The following NOTCH3 variants were observed in gnomAD, a reference collection of about 807,000 sequenced individuals.
NOTCH3 encodes neurogenic locus notch homolog protein 3.
NOTCH3 carries 86 observed loss-of-function variants against 213.3 expected under a neutral mutation model. The observed-to-expected ratio is 0.40, with a 90% CI of 0.34 to 0.48. The LOEUF (loss-of-function observed/expected upper bound fraction) is 0.48, where lower values mean the gene tolerates loss of function less well. NOTCH3 is among the 20% of genes least tolerant of loss of function. The pLI, the probability that NOTCH3 is intolerant of heterozygous loss-of-function variation, is 0.57. For missense variants in NOTCH3, 2,783 were observed against 3,272.6 expected, an observed-to-expected ratio of 0.85 and a Z score of 3.65; for synonymous variants, 1,354 against 1,355.9, an observed-to-expected ratio of 1.00 and a Z score of 0.03.
chr19:15,175,618 C>T (rs1022625607), intron 24 of NOTCH3, among the ~76,000 whole-genome samples: 79 of 144,814 alleles, frequency 5.5e-4, no homozygotes, highest in Non-Finnish European at 9.9e-4. Flanking sequence ...CACACACGCA[C>T]GCACACACAT....
Position 15,174,295 on chromosome 19 carries a change from C to A in NOTCH3, c.4509G>T (p.Glu1503Asp). ...CGCCGCGGGCCAGCAGGGCCGGCAC[C>A]TCGCTGGCACAATCCAGCCCATCCC... The part of the protein sequence containing the change: ...CGWDGLDCAS[E>D]VPALLARGVL... The change falls in exon 25 of 33, where the codon GAG (glutamate) becomes GAT (aspartate). Residue 1503 changes from glutamate (E) to aspartate (D), a missense_variant. This residue lies in a region of NOTCH3 where 636 missense variants were observed against 801.8 expected (regional missense o/e 0.79). Transcript: ENST00000263388. The A allele has an allele frequency of 6.4e-7, 1 of 1,557,308 alleles. No individual in the cohort carries two copies. Among genetic ancestry groups the A allele is most frequent in the Non-Finnish European group, 8.7e-7 (1 of 1,152,392 alleles).
rs749778923 is a variant in NOTCH3, at chr19:15,181,158, A to C, written c.2797T>G (p.Cys933Gly). ...TCCACACAGGTCCCGCCATTGAAGC[A>C]GGAGCTGGAGCGGAAGGAGTGGGAG... ...QDLPDCSPSS[C>G]FNGGTCVDGV... Residue 933 changes from cysteine to glycine, a missense_variant, in exon 18 of 33, where the codon TGC becomes GGC. This residue lies in a region of NOTCH3 where 861 missense variants were observed against 909.1 expected (regional missense o/e 0.95). Coordinates refer to ENST00000263388, the MANE Select transcript of NOTCH3 (RefSeq NM_000435.3). 1.2e-6 allele frequency: 2 copies of C among 1,611,172 alleles called. No homozygotes were observed. Among genetic ancestry groups the C allele is most frequent in the Admixed American group, 1.7e-5 (1 of 59,766 alleles).
In NOTCH3 at chr19:15,175,802, AG is replaced by A. The variant is rs1568353123; in HGVS notation, c.4404-1403del. ...CAGGCAGTAGGAACAGCTTGTGCAA[AG>A]GCCCTGATATGGGATCAAGCCTGGG... On this transcript the variant is annotated intron_variant, in intron 24 of 32. Transcript: ENST00000263388. Among the ~76,000 whole-genome samples, 6 of 151,574 alleles carry A rather than the reference AG, an allele frequency of 4.0e-5. No individual in the cohort carries two copies. The South Asian group carries it at 1.2e-3, about 31-fold the overall frequency.
At chr19:15,192,545 G>A (rs752256917) in intron 2 of NOTCH3, 26 bp from the exon 3 acceptor site, 103 of 1,560,550 alleles carry the variant, frequency 6.6e-5, no homozygotes, top group Non-Finnish European at 8.8e-5. Flanking sequence ...GCTTGGTTGG[G>A]CAGCACAGGG....
In NOTCH3 at chr19:15,189,148, T is replaced by C; in HGVS notation, c.1219A>G (p.Arg407Gly). 1 of 1,613,404 alleles carries C rather than the reference T, an allele frequency of 6.2e-7. No individual in the cohort carries two copies. Reference protein sequence around the residue: ...IGANPCEHLGRCVNTQGSFLC... With the variant: ...IGANPCEHLGGCVNTQGSFLC... ...AAGGAGCCCTGCGTGTTCACGCACCTGCCCAAGTGCTCGCAGGGGTTGGCG... is the reference window on the plus strand; with the variant it reads ...AAGGAGCCCTGCGTGTTCACGCACCCGCCCAAGTGCTCGCAGGGGTTGGCG... The change falls in exon 8 of 33, where the codon AGG (arginine) becomes GGG (glycine). Residue 407 changes from arginine to glycine, a missense_variant. Transcript: ENST00000263388.
intron 6 of NOTCH3, 88 bp downstream of exon 6, chr19:15,191,336 C>A: frequency 8.3e-7 from 1 of 1,197,814 alleles, no homozygotes; most frequent in Non-Finnish European, 1.2e-6. Flanking sequence ...CCCAGCCTAG[C>A]ATAATCTTTC....
In NOTCH3 at chr19:15,161,010, C is replaced by T. The variant is rs899795381; in HGVS notation, c.6618G>A (p.Glu2206=). The T allele has an allele frequency of 6.5e-7, 1 of 1,542,856 alleles. No homozygotes were observed. The highest frequency in any genetic ancestry group is 8.7e-7 in the Non-Finnish European group (1 of 1,145,236). The part of the protein sequence containing the change: ...LNPGTPVSPQ[E]RPPPYLAVPG... ...GGACTGCCAGGTAAGGCGGGGGCCGCTCCTGCGGGGAGACGGGGGTCCCTG... is the reference window on the plus strand; with the variant it reads ...GGACTGCCAGGTAAGGCGGGGGCCGTTCCTGCGGGGAGACGGGGGTCCCTG... The change falls in exon 33 of 33, where the codon GAG becomes GAA. Residue 2206 remains glutamate, a synonymous_variant. Transcript: ENST00000263388.
intron 24 of NOTCH3, among the ~76,000 whole-genome samples, chr19:15,175,868 AGAGT>A (rs1353187262): frequency 6.6e-6 from 1 of 151,752 alleles, no homozygotes; most frequent in African/African-American, 2.4e-5. Flanking sequence ...TGGCTGGAAC[AGAGT>A]GAGTGAGGGG....
At position 15,161,609 on chromosome 19, in the gene NOTCH3, G is replaced by A. The variant is rs753635869; in HGVS notation, c.6019C>T (p.Leu2007=). The change falls in exon 33 of 33, where the codon CTG becomes TTG. Residue 2007 remains leucine (L), a synonymous_variant. Transcript: ENST00000263388. ...NREITDHLDR[L]PRDVAQERLH... ...CTCTCCTGGGCTACGTCCCGCGGCA[G>A]CCTGTCCAGGTGGTCGGTGATCTCA... 1.5e-5 allele frequency: 24 copies of A among 1,613,040 alleles called. No individual in the cohort carries two copies. Among genetic ancestry groups the A allele is most frequent in the Middle Eastern group, 1.6e-4 (1 of 6,082 alleles).
At chr19:15,163,657 C>T (rs946224754) in intron 31 of NOTCH3, among the ~76,000 whole-genome samples, 6 of 152,054 alleles carry the variant, frequency 3.9e-5, no homozygotes, top group Non-Finnish European at 5.9e-5. Flanking sequence ...AAAGTGAGAC[C>T]CCATTTCCAC....
chr19:15,181,760 A>G lies in NOTCH3; in HGVS notation c.2608T>C (p.Ser870Pro). 1.3e-6 allele frequency: 2 copies of G among 1,570,946 alleles called. No individual in the cohort carries two copies. Among genetic ancestry groups the G allele is most frequent in the Non-Finnish European group, 1.7e-6 (2 of 1,157,590 alleles). Residue 870 changes from serine to proline, a missense_variant, in exon 17 of 33, where the codon TCC becomes CCC. Coordinates refer to ENST00000263388, the MANE Select transcript of NOTCH3 (RefSeq NM_000435.3). ...NGGSCQDGVG[S>P]FSCSCLPGFA... ...CCAGGGAGGCAGGAGCAGGAAAAGGAGCCCACGCCGTCTTGGCACGAGCCA... is the reference window on the plus strand; with the variant it reads ...CCAGGGAGGCAGGAGCAGGAAAAGGGGCCCACGCCGTCTTGGCACGAGCCA...
At position 15,180,696 on chromosome 19, in the gene NOTCH3, C is replaced by A. The variant is rs2046832108; in HGVS notation, c.3127G>T (p.Ala1043Ser). The change falls in exon 19 of 33, where the codon GCC becomes TCC. Residue 1043 changes from alanine (A) to serine (S), a missense_variant. Ala to Ser is a moderately conservative substitution (Grantham distance 99). Coordinates refer to ENST00000263388, the MANE Select transcript of NOTCH3 (RefSeq NM_000435.3). ...CDIRSLPCRE[A>S]AAQIGVRLEQ... ...TCCCACTCACCGATCTGGGCTGCGG[C>A]CTCCCTGCAGGGCAAGCTTCGGATG... is the stretch of plus-strand genomic sequence containing the variant. 6.4e-7 allele frequency: 1 copy of A among 1,557,820 alleles called. No homozygotes were observed. Among genetic ancestry groups the A allele is most frequent in the Non-Finnish European group, 8.7e-7 (1 of 1,152,406 alleles).
chr19:15,185,199 G>A lies in NOTCH3; in HGVS notation c.2296+58C>T. The A allele has an allele frequency of 6.3e-7, 1 of 1,590,586 alleles. No homozygotes were observed. The highest frequency in any genetic ancestry group is 8.6e-7 in the Non-Finnish European group (1 of 1,160,162). On this transcript the variant is annotated intron_variant, in intron 14 of 32. Coordinates refer to ENST00000263388, the MANE Select transcript of NOTCH3 (RefSeq NM_000435.3). The surrounding 1 kb of genome is among the most constrained non-coding windows in gnomAD (Gnocchi z 4.2). Reference sequence around the variant, plus strand: ...AGCGGGAGGAGAGAGTAGAGGAGAAGAGAGATGAGAAGGCCCATGGTGTTG... The same window carrying A: ...AGCGGGAGGAGAGAGTAGAGGAGAAAAGAGATGAGAAGGCCCATGGTGTTG...
In NOTCH3 at chr19:15,192,527, C is replaced by A. The variant is rs2145443992; in HGVS notation, c.198-8G>T. On this transcript the variant is annotated splice_polypyrimidine_tract_variant and splice_region_variant and intron_variant, in intron 2 of 32. Coordinates refer to ENST00000263388, the MANE Select transcript of NOTCH3 (RefSeq NM_000435.3). ...ACCCAGCCAGGCGGGCACCTGTGGG[C>A]AGAGATGGCTTGGTTGGGCAGCACA... 6.3e-7 allele frequency: 1 copy of A among 1,575,924 alleles called. No homozygotes were observed. Among genetic ancestry groups the A allele is most frequent in the Non-Finnish European group, 8.6e-7 (1 of 1,161,334 alleles).
intron 24 of NOTCH3, among the ~76,000 whole-genome samples, chr19:15,175,557 A>ATATATATATATATATATG (rs2046781359): frequency 5.5e-5 from 1 of 18,020 alleles, no homozygotes; most frequent in Admixed American, 5.0e-4. Flanking sequence ...AAAAAAATAC[A>ATATATATATATATATATG]TATATATATA....
At chr19:15,180,628 T>A in intron 19 of NOTCH3, 53 bp downstream of exon 19, 1 of 1,535,128 alleles carries the variant, frequency 6.5e-7, no homozygotes, top group African/African-American at 1.4e-5. Context: ...AGGAGGTACG[T>A]GCATGAGCCC....
rs763025363 is a variant in NOTCH3, at chr19:15,167,294, C to G, written c.5317G>C (p.Gly1773Arg). 5 of 1,613,614 alleles carry G rather than the reference C, an allele frequency of 3.1e-6. No individual in the cohort carries two copies. The change falls in exon 29 of 33, where the codon GGC becomes CGC. Residue 1773 changes from glycine (G) to arginine (R), a missense_variant. Transcript: ENST00000263388. ...TCCATGCCATCAGCATCTGCGTCGC[C>G]CTGTGGTGGTGTCAGTGCCATGGCT... Reference protein sequence around the residue: ...APAMALTPPQGDADADGMDVN... With the variant: ...APAMALTPPQRDADADGMDVN...
intron 1 of NOTCH3, among the ~76,000 whole-genome samples, chr19:15,198,516 C>T (rs1446439826): frequency 1.3e-5 from 2 of 152,120 alleles, no homozygotes; most frequent in African/African-American, 2.4e-5. Flanking sequence ...TTTGGGAGGC[C>T]GAGGCTGGTG....
Position 15,196,010 on chromosome 19 carries a change from G to A in NOTCH3, c.197+1490C>T, listed in dbSNP as rs1209976499. Among the ~76,000 whole-genome samples the A allele has an allele frequency of 4.6e-5, 7 of 151,310 alleles. No individual in the cohort carries two copies. In the East Asian group the frequency reaches 1.4e-3, roughly 30 times the overall value. On this transcript the variant is annotated intron_variant, in intron 2 of 32. Coordinates refer to ENST00000263388, the MANE Select transcript of NOTCH3 (RefSeq NM_000435.3). ...TATGGAAACGTCTGCTGCCGGTGGG[G>A]GGGTCTTGGGGGATCCATGGGTGGG...
Sources: gnomAD v4.1 joint callset for allele counts (sites outside exome capture counted in the v4.1 genomes callset) on GRCh38, gnomAD v4.1.1 for gene constraint, gnomAD v4.1.1 regional missense constraint, Gnocchi (gnomAD v3.1) non-coding constraint, MANE v1.5 for transcripts, NCBI Gene and HGNC (gene_info 2026-07-23, HGNC 2026-07-21) for gene names.